The following TBCD variants were observed in gnomAD, a reference collection of about 807,000 sequenced individuals.
The protein encoded by TBCD is tubulin-specific chaperone D.
In TBCD, 105 loss-of-function variants were observed where a neutral mutation model predicts 169.3. That is an observed-to-expected ratio of 0.62 (90% confidence interval 0.53 to 0.73). TBCD has a LOEUF of 0.73. TBCD is among the 30% of genes least tolerant of loss of function. The pLI is 0.00. For synonymous variants in TBCD, 700 were observed against 643.9 expected (o/e 1.09, Z -1.32); for missense variants, 1,444 against 1,600.1 (o/e 0.90, Z 1.66).
intron 13 of TBCD, among the ~76,000 whole-genome samples, chr17:82,828,440 G>A (rs996222989): frequency 3.2e-5 from 4 of 126,512 alleles, no homozygotes; most frequent in East Asian, 2.6e-4. Flanking sequence ...ACGTGGACAC[G>A]CACACGATTG....
intron 13 of TBCD, among the ~76,000 whole-genome samples, chr17:82,849,502 C>T (rs139815367): frequency 2.0e-5 from 3 of 152,356 alleles, no homozygotes; most frequent in East Asian, 1.9e-4. Flanking sequence ...TTTCCCCTTT[C>T]GTCTCCTTAA....
Position 82,832,708 on chromosome 17 carries a change from A to G in TBCD, c.1318+17774A>G. ...GGCGAGAAGCCGGCCTCGGCTCGCC[A>G]CAGTGCCACAGGATCCCTGAAGCAG... On this transcript the variant is annotated intron_variant, in intron 13 of 38. Coordinates refer to ENST00000355528, the MANE Select transcript of TBCD (RefSeq NM_005993.5). The surrounding 1 kb of genome is among the most constrained non-coding windows in gnomAD (Gnocchi z 4.9). 1.8e-6 allele frequency: 1 copy of G among 541,072 alleles called. No homozygotes were observed. Among genetic ancestry groups the G allele is most frequent in the South Asian group, 2.0e-5 (1 of 48,870 alleles). The allele number at this position is 541,072 out of a possible 1,614,324, so 33.5% of individuals were successfully genotyped here. A position where few individuals can be genotyped will look rare whatever the true frequency, so the allele number is the denominator to read the frequency against.
At chr17:82,939,301 C>A in intron 36 of TBCD, 66 bp from the exon 37 acceptor site, 1 of 1,330,320 alleles carries the variant, frequency 7.5e-7, no homozygotes, top group Non-Finnish European at 1.0e-6. Context: ...GGCCTGGGTC[C>A]TGTCGTCTCT....
intron 4 of TBCD, among the ~76,000 whole-genome samples, chr17:82,768,176 C>A (rs1345092740): frequency 3.3e-5 from 5 of 152,054 alleles, no homozygotes; most frequent in African/African-American, 9.7e-5. Flanking sequence ...TTTCTTTGTT[C>A]ATTTTGATGT....
Position 82,832,537 on chromosome 17 carries a change from G to A in TBCD, c.1318+17603G>A. 1.6e-6 allele frequency: 2 copies of A among 1,234,430 alleles called. No homozygotes were observed. The allele number at this position is 1,234,430 out of a possible 1,614,324, so 76.5% of individuals were successfully genotyped here. Reference sequence around the variant, plus strand: ...GCGTGCACTTCGTGGTTTCTAAAGAGGCACCTCCCGCTTTGCTTTCTTTCC... The same window carrying A: ...GCGTGCACTTCGTGGTTTCTAAAGAAGCACCTCCCGCTTTGCTTTCTTTCC... On this transcript the variant is annotated intron_variant, in intron 13 of 38. Transcript: ENST00000355528. This position sits in a 1 kb window ranked among gnomAD's most constrained non-coding sequence, Gnocchi z 4.9.
rs71376536 is a variant in TBCD, at chr17:82,884,925, C to T, written c.1533+723C>T. The T allele has an allele frequency of 5.2e-3, 796 of 152,198 alleles. 5 individuals are homozygous for T. The highest frequency in any genetic ancestry group is 9.3e-3 in the Non-Finnish European group (636 of 68,104). The allele number at this position is 152,198 out of a possible 1,614,324, so 9.4% of individuals were successfully genotyped here. The stretch of plus-strand genomic sequence containing the variant: ...TCAGATACAGATAAGACGCTGAACA[C>T]GTTTTAAGAGGGTAAGAACAGAGAG... On this transcript the variant is annotated intron_variant, in intron 15 of 38. Transcript: ENST00000355528. This position sits in a 1 kb window ranked among gnomAD's most constrained non-coding sequence, Gnocchi z 4.2.
At chr17:82,933,617 C>CTT (rs35966154) in intron 34 of TBCD, among the ~76,000 whole-genome samples, 3 of 150,154 alleles carry the variant, frequency 2.0e-5, no homozygotes, top group South Asian at 4.2e-4. Flanking sequence ...GGGGGCACTG[C>CTT]TTTTTTTTTG....
At chr17:82,805,339 G>A (rs775972199) in intron 9 of TBCD, among the ~76,000 whole-genome samples, 16 of 152,226 alleles carry the variant, frequency 1.1e-4, no homozygotes, top group African/African-American at 3.1e-4. Flanking sequence ...CCTTCATGGC[G>A]TGTCCAGGGG....
intron 14 of TBCD, among the ~76,000 whole-genome samples, chr17:82,877,973 T>C (rs976876768): frequency 3.9e-5 from 6 of 152,254 alleles, no homozygotes; most frequent in African/African-American, 9.6e-5. Context: ...CCTGGGTCTT[T>C]TAAGATCTTT....
At chr17:82,825,044 C>T (rs2052723227) in intron 13 of TBCD, among the ~76,000 whole-genome samples, 1 of 152,018 alleles carries the variant, frequency 6.6e-6, no homozygotes, top group South Asian at 2.1e-4. Flanking sequence ...TGCAGATGAC[C>T]TTTGGAGGAA....
rs757199429 is a variant in TBCD at position 82,893,556 on chromosome 17, C to T, written c.1573C>T (p.Pro525Ser). The T allele has an allele frequency of 8.7e-6, 14 of 1,608,354 alleles. No homozygotes were observed. The East Asian group carries it at 2.9e-4, about 33-fold the overall frequency. ...QENVGRQGTF[P>S]HGIDILTTAD... ...TCCACTTTCTTATTAGGGCACTTTC[C>T]CTCATGGTATTGATATTTTGACCAC... is the stretch of plus-strand genomic sequence containing the variant. The change falls in exon 17 of 39, where the codon CCT (proline) becomes TCT (serine). Residue 525 changes from proline to serine, a missense_variant. Transcript: ENST00000355528.
rs1192863833 is a variant in TBCD at position 82,874,985 on chromosome 17, G to A, written c.1475+4605G>A. Among the ~76,000 whole-genome samples, 5 of 152,192 alleles carry A rather than the reference G, an allele frequency of 3.3e-5. No homozygotes were observed. Among genetic ancestry groups the A allele is most frequent in the African/African-American group, 9.7e-5 (4 of 41,440 alleles). On this transcript the variant is annotated intron_variant, in intron 14 of 38. Transcript: ENST00000355528. The surrounding 1 kb of genome is among the most constrained non-coding windows in gnomAD (Gnocchi z 5.0). The stretch of plus-strand genomic sequence containing the variant: ...CGCAGGGAAATGGAAATGCCTGATC[G>A]AGCTGGGCGGTGGCAGCAGCCGCTC...
chr17:82,812,044 C>T (rs910645793), intron 12 of TBCD, among the ~76,000 whole-genome samples: 1 of 152,174 alleles, frequency 6.6e-6, no homozygotes, highest in African/African-American at 2.4e-5. Flanking sequence ...ACGACTCCCT[C>T]AGGACCTGGG....
chr17:82,828,558 C>G (rs2145194566), intron 13 of TBCD, among the ~76,000 whole-genome samples: 1 of 122,838 alleles, frequency 8.1e-6, no homozygotes. Context: ...TGTGCCCCCC[C>G]CGATTGCACA....
At chr17:82,778,256 G>A (rs1434646376) in intron 6 of TBCD, among the ~76,000 whole-genome samples, 2 of 151,776 alleles carry the variant, frequency 1.3e-5, no homozygotes, top group East Asian at 1.9e-4. Flanking sequence ...CTCTTGCCTC[G>A]GCACCTGGGT....
At chr17:82,902,173 G>A (rs1418007268) in intron 18 of TBCD, among the ~76,000 whole-genome samples, 2 of 152,138 alleles carry the variant, frequency 1.3e-5, no homozygotes, top group African/African-American at 2.4e-5. Flanking sequence ...TTTGCGGAAC[G>A]GCCCTCATTG....
intron 6 of TBCD, among the ~76,000 whole-genome samples, chr17:82,777,692 A>G (rs187730248): frequency 9.9e-4 from 151 of 152,372 alleles, no homozygotes; most frequent in Middle Eastern, 3.4e-3. Flanking sequence ...CCAGGTGTAC[A>G]GGATGGAACG....
At chr17:82,919,367 T>C (rs2061277059) in intron 23 of TBCD, among the ~76,000 whole-genome samples, 1 of 152,216 alleles carries the variant, frequency 6.6e-6, no homozygotes, top group Admixed American at 6.5e-5. Flanking sequence ...GATAATTATG[T>C]TGGGCCTTAT....
chr17:82,882,117 C>A (rs2058398449), intron 14 of TBCD, among the ~76,000 whole-genome samples: 1 of 152,266 alleles, frequency 6.6e-6, no homozygotes, highest in Non-Finnish European at 1.5e-5. Flanking sequence ...CATGCCCCAG[C>A]TTCTCCGAGG....
Sources: allele counts gnomAD v4.1 joint callset (sites outside exome capture counted in the v4.1 genomes callset), GRCh38; gene constraint gnomAD v4.1.1; non-coding constraint Gnocchi (gnomAD v3.1); transcripts MANE v1.5; gene names NCBI Gene and HGNC (gene_info 2026-07-23, HGNC 2026-07-21).